Variants in CHRNA1 observed in about 807,000 individuals in gnomAD.
CHRNA1 encodes the protein cholinergic receptor nicotinic alpha 1 subunit, also known as acetylcholine receptor subunit alpha.
In CHRNA1, 35 loss-of-function variants were observed where a neutral mutation model predicts 47.1. The ratio of observed to expected loss-of-function variants is 0.74; its 90% CI spans 0.57 to 0.99. The LOEUF is 0.99. Among genes scored for constraint, CHRNA1 ranks in the 50% least tolerant of loss-of-function variants. The probability of loss-of-function intolerance (pLI) is 0.00; values close to 1 mark genes in which losing one functional copy is unlikely to be tolerated. For missense variants in CHRNA1, 506 were observed against 591.1 expected (o/e 0.86, Z 1.49); for synonymous variants, 229 against 223.6 (o/e 1.02, Z -0.22).
At chr2:174,760,055 G>T (rs1420078877) in intron 1 of CHRNA1, among the ~76,000 whole-genome samples, 1 of 152,130 alleles carries the variant, frequency 6.6e-6, no homozygotes, top group South Asian at 2.1e-4. Context: ...GCCATGAACA[G>T]CCAAAATTGA....
intron 6 of CHRNA1, among the ~76,000 whole-genome samples, chr2:174,750,424 TG>T (rs1319366824): frequency 2.6e-5 from 4 of 152,126 alleles, no homozygotes; most frequent in Non-Finnish European, 4.4e-5. Context: ...CGGAAGGCCA[TG>T]GGACACAGGA....
At chr2:174,763,618 C>CGGAA (rs955026036) in intron 1 of CHRNA1, among the ~76,000 whole-genome samples, 18 of 152,206 alleles carry the variant, frequency 1.2e-4, no homozygotes, top group Admixed American at 1.0e-3. Flanking sequence ...TTCCCTCTAG[C>CGGAA]GGAAGTCTGG....
chr2:174,748,310 C>T, intron 8 of CHRNA1, 55 bp from the exon 9 acceptor site: 1 of 1,611,278 alleles, frequency 6.2e-7, no homozygotes, highest in Admixed American at 1.7e-5. Flanking sequence ...TCTGGACTCA[C>T]AACGTTTGTG....
At chr2:174,749,052 C>T (rs559076433) in intron 7 of CHRNA1, among the ~76,000 whole-genome samples, 11 of 152,236 alleles carry the variant, frequency 7.2e-5, no homozygotes, top group South Asian at 2.1e-4. Flanking sequence ...GTGAGAAGTT[C>T]GCCACTGGAG....
At chr2:174,755,509 T>C (rs942983830) in intron 4 of CHRNA1, among the ~76,000 whole-genome samples, 59 of 152,030 alleles carry the variant, frequency 3.9e-4, no homozygotes, top group African/African-American at 1.3e-3. Flanking sequence ...AAGCTCTGTC[T>C]CCTGGGTTCC....
In CHRNA1 at chr2:174,759,361, C is replaced by CA; in HGVS notation, c.203_204insT (p.Gln68HisfsTer24). On this transcript the variant is annotated frameshift_variant, in exon 3 of 9. Transcript: ENST00000348749. LOFTEE classifies it high-confidence loss of function. Reference sequence around the variant, plus strand: ...TCAGACGCACATTGGTTGTCACGATCTGATTTACTTCATCCTGGAAAAAAA... The same window carrying CA: ...TCAGACGCACATTGGTTGTCACGATCATGATTTACTTCATCCTGGAAAAAAA... The CA allele has an allele frequency of 6.2e-7, 1 of 1,611,928 alleles. No individual in the cohort carries two copies. The highest frequency in any genetic ancestry group is 8.5e-7 in the Non-Finnish European group (1 of 1,179,158).
At chr2:174,764,248 G>A in intron 1 of CHRNA1, 104 bp downstream of exon 1, 1 of 1,216,116 alleles carries the variant, frequency 8.2e-7, no homozygotes, top group Non-Finnish European at 1.2e-6. Context: ...GGGAGGCTCT[G>A]CCATTCTGTG....
intron 8 of CHRNA1, 93 bp downstream of exon 8, chr2:174,748,487 A>T: frequency 2.0e-6 from 3 of 1,513,600 alleles, no homozygotes; most frequent in Admixed American, 2.1e-5. Context: ...TGCCTGTTGT[A>T]TGCCACCTAC....
intron 7 of CHRNA1, 72 bp downstream of exon 7, chr2:174,749,874 C>G (rs1683810890): frequency 7.5e-7 from 1 of 1,335,664 alleles, no homozygotes; most frequent in Admixed American, 1.8e-5. Flanking sequence ...TAGCTAGAAA[C>G]CCACTGGCTC....
At chr2:174,748,997 C>T (rs1203664793) in intron 7 of CHRNA1, among the ~76,000 whole-genome samples, 178 bp from the exon 8 acceptor site, 1 of 152,086 alleles carries the variant, frequency 6.6e-6, no homozygotes, top group East Asian at 1.9e-4. Flanking sequence ...CTCTGTATCC[C>T]GGGTCCTGTG....
intron 6 of CHRNA1, 45 bp from the exon 7 acceptor site, chr2:174,750,214 C>A: frequency 2.7e-6 from 4 of 1,477,240 alleles, no homozygotes; most frequent in Non-Finnish European, 3.7e-6. Context: ...AACTACCCAT[C>A]TGGGTTGGGC....
rs548319211 is a variant in CHRNA1 at position 174,759,608 on chromosome 2, A to T, written c.69T>A (p.His23Gln). The T allele has an allele frequency of 6.2e-7, 1 of 1,613,738 alleles. No individual in the cohort carries two copies. The highest frequency in any genetic ancestry group is 1.3e-5 in the African/African-American group (1 of 74,972). Residue 23 changes from histidine to glutamine, a missense_variant, in exon 2 of 9, where the codon CAT (histidine) becomes CAA (glutamine). Coordinates refer to ENST00000348749, the MANE Select transcript of CHRNA1 (RefSeq NM_000079.4). ...ATAGCTTTGCCACCAGACGGGTCTC[A>T]TGTTCGGAGCCCAGGACGAGGCCAG... ...CSAGLVLGSE[H>Q]ETRLVAKLFK... is the part of the protein sequence containing the mutation.
chr2:174,748,777 T>C lies in CHRNA1; in HGVS notation c.1045A>G (p.Met349Val), dbSNP rs760175390. ...TIPNIMFFST[M>V]KRPSREKQDK... ...TGCTTTTCTCTGGATGGTCTTTTCA[T>C]TGTGGAGAAAAACATGATATTTGGG... The change falls in exon 8 of 9, where the codon ATG (methionine) becomes GTG (valine). Residue 349 changes from methionine to valine, a missense_variant. Coordinates refer to ENST00000348749, the MANE Select transcript of CHRNA1 (RefSeq NM_000079.4). 86 of 1,614,058 alleles carry C rather than the reference T, an allele frequency of 5.3e-5. No individual in the cohort carries two copies. Among genetic ancestry groups the C allele is most frequent in the Non-Finnish European group, 7.2e-5 (85 of 1,180,040 alleles).
In CHRNA1 at chr2:174,750,027, G is replaced by C. The variant is rs1574003555; in HGVS notation, c.921C>G (p.Ala307=). The change falls in exon 7 of 9, where the codon GCC becomes GCG. Residue 307 remains alanine, a synonymous_variant. Coordinates refer to ENST00000348749, the MANE Select transcript of CHRNA1 (RefSeq NM_000079.4). ...TGACGATGACAGTGATGATGATGGAGGCAATGACGAACACCATGGTGAACA... is the reference window on the plus strand; with the variant it reads ...TGACGATGACAGTGATGATGATGGACGCAATGACGAACACCATGGTGAACA... ...YMLFTMVFVI[A]SIIITVIVIN... 1 of 1,614,152 alleles carries C rather than the reference G, an allele frequency of 6.2e-7. No individual in the cohort carries two copies. The highest frequency in any genetic ancestry group is 1.3e-5 in the African/African-American group (1 of 75,012).
At chr2:174,755,981 A>G (rs914978191) in intron 4 of CHRNA1, among the ~76,000 whole-genome samples, 1 of 151,500 alleles carries the variant, frequency 6.6e-6, no homozygotes, top group Non-Finnish European at 1.5e-5. Context: ...GGTTGCAATG[A>G]GCTATGATCA....
At chr2:174,759,696 ATGAGGAAC>A (rs1475257252) in intron 1 of CHRNA1, 63 bp from the exon 2 acceptor site, 2 of 1,600,490 alleles carry the variant, frequency 1.2e-6, no homozygotes, top group South Asian at 1.1e-5. Flanking sequence ...ACACATGAAC[ATGAGGAAC>A]TGAGGAACTG....
At chr2:174,764,006 AC>A (rs1369633361) in intron 1 of CHRNA1, among the ~76,000 whole-genome samples, 1 of 152,034 alleles carries the variant, frequency 6.6e-6, no homozygotes, top group Non-Finnish European at 1.5e-5. Context: ...TTAAATATGA[AC>A]CCCCGGACAC....
At chr2:174,758,053 T>A in intron 3 of CHRNA1, 1 of 1,613,912 alleles carries the variant, frequency 6.2e-7, no homozygotes, top group Non-Finnish European at 8.5e-7. Flanking sequence ...AAAGACCTAG[T>A]GTGAACGTTT....
intron 6 of CHRNA1, 29 bp downstream of exon 6, chr2:174,753,474 G>T (rs1683898759): frequency 1.3e-6 from 2 of 1,578,494 alleles, no homozygotes; most frequent in Non-Finnish European, 1.7e-6. Context: ...ATCAGCGTCA[G>T]CAGCAGCAGT....
Sources: gnomAD v4.1 joint callset for allele counts (sites outside exome capture counted in the v4.1 genomes callset) on GRCh38, gnomAD v4.1.1 for gene constraint, MANE v1.5 for transcripts, NCBI Gene and HGNC (gene_info 2026-07-23, HGNC 2026-07-21) for gene names.